TJP2: variants seen among roughly 807,000 people sequenced by gnomAD.
TJP2 encodes the protein Friedreich ataxia region gene X104 (tight junction protein ZO-2).
A neutral mutation model predicts 133.1 loss-of-function variants in TJP2; 91 were observed. The observed-to-expected ratio is 0.68, with a 90% CI of 0.58 to 0.81. The LOEUF (loss-of-function observed/expected upper bound fraction) is 0.81. Among genes scored for constraint, TJP2 ranks in the 40% least tolerant of loss-of-function variants. The pLI is 0.00. For synonymous variants in TJP2, 592 were observed against 583.4 expected, an observed-to-expected ratio of 1.01 and a Z score of -0.21; for missense variants, 1,541 against 1,565.6, an observed-to-expected ratio of 0.98 and a Z score of 0.26.
chr9:69,183,764 T>C (rs150353282), intron 1 of TJP2, among the ~76,000 whole-genome samples: 423 of 152,318 alleles, frequency 2.8e-3, no homozygotes, highest in African/African-American at 9.8e-3. Context: ...TGAGACAGTC[T>C]CACTCTGTCA....
At chr9:69,245,843 A>G (rs1241789663) in intron 17 of TJP2, among the ~76,000 whole-genome samples, 1 of 152,220 alleles carries the variant, frequency 6.6e-6, no homozygotes, top group African/African-American at 2.4e-5. Context: ...GAAAATGTAT[A>G]TTCTTTGAAT....
At chr9:69,238,918 T>A in intron 16 of TJP2, 129 bp downstream of exon 16, 1 of 815,446 alleles carries the variant, frequency 1.2e-6, no homozygotes, top group Non-Finnish European at 2.1e-6. Context: ...CCGGGCACAG[T>A]GGCTTACACC....
intron 11 of TJP2, among the ~76,000 whole-genome samples, chr9:69,230,714 C>G (rs1304492146): frequency 3.3e-5 from 5 of 152,106 alleles, no homozygotes; most frequent in Admixed American, 2.6e-4. Flanking sequence ...ACTCAGGTTT[C>G]TGTATCTGTT....
intron 1 of TJP2, among the ~76,000 whole-genome samples, chr9:69,134,976 GGAGAGAGAGA>G (rs56216843): frequency 2.0e-5 from 3 of 148,802 alleles, no homozygotes; most frequent in Non-Finnish European, 4.5e-5. Context: ...AGAGAGAAGA[GGAGAGAGAGA>G]GAGAGAGAGA....
chr9:69,157,634 T>G (rs1823841312), intron 2 of TJP2, among the ~76,000 whole-genome samples: 1 of 152,050 alleles, frequency 6.6e-6, no homozygotes, highest in Non-Finnish European at 1.5e-5. Flanking sequence ...CCTAGCTAAT[T>G]TTTGTATTTT....
At chr9:69,147,439 T>C (rs1349003996) in intron 1 of TJP2, among the ~76,000 whole-genome samples, 2 of 152,160 alleles carry the variant, frequency 1.3e-5, no homozygotes, top group African/African-American at 4.8e-5. Context: ...GCCTATATAT[T>C]TACCATTCCT....
At chr9:69,240,256 T>G in intron 17 of TJP2, 109 bp downstream of exon 17, 1 of 1,110,402 alleles carries the variant, frequency 9.0e-7, no homozygotes, top group Non-Finnish European at 1.3e-6. Flanking sequence ...ATTGTGTTCA[T>G]GACTCCTTGA....
At chr9:69,138,893 G>A (rs1213457635) in intron 1 of TJP2, among the ~76,000 whole-genome samples, 2 of 151,724 alleles carry the variant, frequency 1.3e-5, no homozygotes, top group African/African-American at 2.4e-5. Flanking sequence ...CTCCAGCCTG[G>A]GTGACACAGT....
chr9:69,130,778 G>C (rs998998124), intron 1 of TJP2, among the ~76,000 whole-genome samples: 5 of 152,160 alleles, frequency 3.3e-5, no homozygotes, highest in Non-Finnish European at 7.3e-5. Flanking sequence ...CTGCGAGGAA[G>C]AACAGAGCTG....
chr9:69,225,876 A>G, intron 6 of TJP2, 146 bp from the exon 7 acceptor site: 1 of 833,446 alleles, frequency 1.2e-6, no homozygotes, highest in East Asian at 2.7e-5. Flanking sequence ...AATTTAAACG[A>G]CAATTCATTT....
At chr9:69,161,155 G>A (rs1026405821) in intron 2 of TJP2, among the ~76,000 whole-genome samples, 2 of 152,196 alleles carry the variant, frequency 1.3e-5, no homozygotes, top group African/African-American at 2.4e-5. Flanking sequence ...CAGCACATGC[G>A]TGCTGTGTCG....
At position 69,179,069 on chromosome 9, in the gene TJP2, T is replaced by C. The variant is rs576552874; in HGVS notation, c.60+4637T>C. Among the ~76,000 whole-genome samples, 6 of 152,224 alleles carry C rather than the reference T, an allele frequency of 3.9e-5. No homozygotes were observed. The East Asian group carries it at 1.2e-3, about 29-fold the overall frequency. ...AGGAAGCCTTGAGGTAGAAAACAAG[T>C]ATCCCTGCTTTGACCTAGAGAGATG... On this transcript the variant is annotated intron_variant, in intron 1 of 22. Transcript: ENST00000377245.
At chr9:69,252,935 G>A in intron 22 of TJP2, 35 bp downstream of exon 22, 1 of 1,599,964 alleles carries the variant, frequency 6.3e-7, no homozygotes, top group Non-Finnish European at 8.6e-7. Flanking sequence ...GTCTAAGGCG[G>A]GGACTTCTCA....
intron 11 of TJP2, among the ~76,000 whole-genome samples, chr9:69,232,930 A>G (rs1331948387): frequency 6.6e-6 from 1 of 152,228 alleles, no homozygotes; most frequent in Admixed American, 6.5e-5. Flanking sequence ...TCTTGTGGCC[A>G]GAGAGATGGA....
At chr9:69,198,286 C>G (rs1453660145) in intron 1 of TJP2, among the ~76,000 whole-genome samples, 1 of 152,048 alleles carries the variant, frequency 6.6e-6, no homozygotes, top group African/African-American at 2.4e-5. Context: ...GGACTACAGG[C>G]ATGTGCCACT....
At chr9:69,178,918 G>T (rs998492518) in intron 1 of TJP2, among the ~76,000 whole-genome samples, 17 of 151,948 alleles carry the variant, frequency 1.1e-4, no homozygotes, top group African/African-American at 4.1e-4. Flanking sequence ...ACCTGTAAAT[G>T]CATTTAATTT....
intron 11 of TJP2, 78 bp downstream of exon 11, chr9:69,230,310 G>A (rs1829677022): frequency 6.3e-7 from 1 of 1,585,826 alleles, no homozygotes; most frequent in Non-Finnish European, 8.6e-7. Context: ...TGTAAGGGAA[G>A]ACAAAATGGT....
chr9:69,134,864 G>C (rs1822655479), intron 1 of TJP2, among the ~76,000 whole-genome samples: 2 of 152,070 alleles, frequency 1.3e-5, no homozygotes. Context: ...TTCCTGGCTT[G>C]CAGACAGCCA....
At chr9:69,192,510 A>G (rs184640851) in intron 1 of TJP2, among the ~76,000 whole-genome samples, 51 of 152,114 alleles carry the variant, frequency 3.4e-4, no homozygotes, top group Non-Finnish European at 7.4e-4. Flanking sequence ...GCAAAAGCCT[A>G]ATTCATCTTG....
Sources: gnomAD v4.1 joint callset for allele counts (sites outside exome capture counted in the v4.1 genomes callset) on GRCh38, gnomAD v4.1.1 for gene constraint, MANE v1.5 for transcripts, NCBI Gene and HGNC (gene_info 2026-07-23, HGNC 2026-07-21) for gene names.